The following KHDRBS2 variants were observed in gnomAD, a reference collection of about 807,000 sequenced individuals.
KHDRBS2 encodes KH RNA binding domain containing, signal transduction associated 2, also known as KH domain-containing, RNA-binding, signal transduction-associated protein 2.
Under a neutral mutation model 44.3 loss-of-function variants are expected in KHDRBS2, and 26 were observed. The observed-to-expected ratio is 0.59, with a 90% CI of 0.43 to 0.81. The LOEUF (loss-of-function observed/expected upper bound fraction) is 0.81. Among genes scored for constraint, KHDRBS2 ranks in the 40% least tolerant of loss-of-function variants. KHDRBS2 has a pLI of 0.00. For synonymous variants in KHDRBS2, 194 were observed against 151.1 expected (o/e 1.28, Z -2.08); for missense variants, 476 against 433.1 (o/e 1.10, Z -0.88).
At chr6:62,173,899 G>T (rs1367453965) in intron 2 of KHDRBS2, among the ~76,000 whole-genome samples, 1 of 151,798 alleles carries the variant, frequency 6.6e-6, no homozygotes, top group Non-Finnish European at 1.5e-5. Context: ...ACTAAGCATT[G>T]AGGGAATATA....
intron 6 of KHDRBS2, among the ~76,000 whole-genome samples, chr6:61,765,822 T>G (rs1472010757): frequency 6.6e-6 from 1 of 152,152 alleles, no homozygotes; most frequent in Non-Finnish European, 1.5e-5. Context: ...TGAATCATCT[T>G]TGCAATCCCA....
Position 62,091,126 on chromosome 6 carries a change from C to T in KHDRBS2, c.220-43132G>A, listed in dbSNP as rs145797424. On this transcript the variant is annotated intron_variant, in intron 2 of 8. Transcript: ENST00000281156. ...TGCCTGATTGGATGACCGTGGAGCA[C>T]AACACCTCTGTAAAAGGACAAGAAC... 2.5e-3 allele frequency among the ~76,000 whole-genome samples: 377 copies of T among 152,174 alleles called. 3 individuals carry two copies. Among genetic ancestry groups the T allele is most frequent in the African/African-American group, 8.8e-3 (365 of 41,504 alleles).
chr6:62,168,063 T>C (rs189544853), intron 2 of KHDRBS2, among the ~76,000 whole-genome samples: 14 of 152,228 alleles, frequency 9.2e-5, no homozygotes, highest in Admixed American at 3.3e-4. Context: ...TGCCCCTTTT[T>C]CTGGGACTGA....
At chr6:61,811,469 T>C (rs1788104078) in intron 6 of KHDRBS2, among the ~76,000 whole-genome samples, 1 of 152,164 alleles carries the variant, frequency 6.6e-6, no homozygotes, top group South Asian at 2.1e-4. Context: ...ATATATCCAG[T>C]AATAGAATTG....
chr6:62,246,721 T>C (rs1366009056), intron 1 of KHDRBS2, among the ~76,000 whole-genome samples: 1 of 152,044 alleles, frequency 6.6e-6, no homozygotes, highest in Non-Finnish European at 1.5e-5. Context: ...ATTTTAGTGA[T>C]TTCTGATATT....
At chr6:62,181,540 T>C (rs1047363531) in intron 1 of KHDRBS2, among the ~76,000 whole-genome samples, 4 of 151,876 alleles carry the variant, frequency 2.6e-5, no homozygotes, top group African/African-American at 7.2e-5. Flanking sequence ...AAAAAGAAAG[T>C]TGGCAAGGAT....
intron 6 of KHDRBS2, among the ~76,000 whole-genome samples, chr6:61,759,932 T>G (rs1562110210): frequency 6.6e-6 from 1 of 152,222 alleles, no homozygotes; most frequent in Non-Finnish European, 1.5e-5. Flanking sequence ...TTCTTAAAGG[T>G]CTGAGCCTTT....
intron 6 of KHDRBS2, among the ~76,000 whole-genome samples, chr6:61,749,226 G>A (rs1250329015): frequency 1.3e-5 from 2 of 151,698 alleles, no homozygotes; most frequent in Non-Finnish European, 2.9e-5. Flanking sequence ...TGTTAGCCAG[G>A]ATGATCTCGA....
chr6:61,943,615 T>A (rs1562487036), intron 4 of KHDRBS2, among the ~76,000 whole-genome samples: 1 of 148,802 alleles, frequency 6.7e-6, no homozygotes, highest in African/African-American at 2.5e-5. Context: ...GGCTAAGAGC[T>A]CAATAGCACA....
intron 2 of KHDRBS2, among the ~76,000 whole-genome samples, chr6:62,174,622 CA>C (rs1238582279): frequency 2.6e-5 from 4 of 151,406 alleles, no homozygotes; most frequent in African/African-American, 9.7e-5. Flanking sequence ...ACAATCTATC[CA>C]AAAAAAGTCA....
intron 6 of KHDRBS2, among the ~76,000 whole-genome samples, chr6:61,880,789 T>C (rs1198046561): frequency 1.3e-5 from 2 of 151,928 alleles, no homozygotes; most frequent in Non-Finnish European, 2.9e-5. Flanking sequence ...CTTCTTACTT[T>C]TGGGTGAAGT....
intron 4 of KHDRBS2, among the ~76,000 whole-genome samples, chr6:61,960,454 C>T (rs1038121077): frequency 1.3e-5 from 2 of 152,048 alleles, no homozygotes; most frequent in African/African-American, 2.4e-5. Flanking sequence ...ATTTTACACT[C>T]AACTAACCAA....
intron 6 of KHDRBS2, among the ~76,000 whole-genome samples, chr6:61,779,617 C>A (rs1015160845): frequency 1.3e-5 from 2 of 151,826 alleles, no homozygotes; most frequent in Non-Finnish European, 2.9e-5. Flanking sequence ...ATTTTTTGAA[C>A]CACCCAACCA....
intron 3 of KHDRBS2, among the ~76,000 whole-genome samples, chr6:62,035,550 T>C (rs1164935196): frequency 6.6e-6 from 1 of 151,718 alleles, no homozygotes; most frequent in African/African-American, 2.4e-5. Flanking sequence ...ACAAAGCAAA[T>C]AGAAAGAATG....
chr6:62,094,665 C>T (rs572843126), intron 2 of KHDRBS2, among the ~76,000 whole-genome samples: 13 of 151,842 alleles, frequency 8.6e-5, no homozygotes, highest in Non-Finnish European at 1.8e-4. Context: ...TTTCCCCCTA[C>T]TTTCTCCTAG....
the KHDRBS2 span, among the ~76,000 whole-genome samples, chr6:61,633,692 T>C: frequency 2.6e-5 from 4 of 151,980 alleles, no homozygotes; most frequent in African/African-American, 4.8e-5. Flanking sequence ...TAACACATAA[T>C]AGATGTATCC....
intron 8 of KHDRBS2, among the ~76,000 whole-genome samples, chr6:61,694,632 C>T (rs1233761269): frequency 6.6e-6 from 1 of 152,116 alleles, no homozygotes; most frequent in East Asian, 1.9e-4. Context: ...GGTGTGGATG[C>T]TCTAAAATGC....
chr6:62,048,115 TAAAC>T, intron 2 of KHDRBS2, 121 bp from the exon 3 acceptor site: 1 of 553,016 alleles, frequency 1.8e-6, no homozygotes, highest in East Asian at 3.2e-5. Flanking sequence ...AGTCATGCCA[TAAAC>T]ATACACACAC....
intron 6 of KHDRBS2, among the ~76,000 whole-genome samples, chr6:61,819,226 T>C (rs988633482): frequency 6.6e-6 from 1 of 152,000 alleles, no homozygotes; most frequent in Non-Finnish European, 1.5e-5. Context: ...GAAATGAATA[T>C]TCAGATGAGG....
Sources: allele counts gnomAD v4.1 joint callset (sites outside exome capture counted in the v4.1 genomes callset), GRCh38; gene constraint gnomAD v4.1.1; transcripts MANE v1.5; gene names NCBI Gene and HGNC (gene_info 2026-07-23, HGNC 2026-07-21).